RNF139: variants seen among roughly 807,000 people sequenced by gnomAD.
RNF139 encodes ring finger protein 139.
Under a neutral mutation model 49.5 loss-of-function variants are expected in RNF139, and 15 were observed. That is an observed-to-expected ratio of 0.30 (90% CI 0.20 to 0.47). The LOEUF is 0.47. RNF139 is among the 20% of genes least tolerant of loss of function. The probability of loss-of-function intolerance (pLI) is 1.00; values close to 1 mark genes in which losing one functional copy is unlikely to be tolerated. For synonymous variants in RNF139, 325 were observed against 300.9 expected (o/e 1.08, Z -0.83); for missense variants, 619 against 806.3 (o/e 0.77, Z 2.81).
At position 124,487,120 on chromosome 8, in the gene RNF139, T is replaced by G. The variant is rs1816549438; in HGVS notation, c.1471T>G (p.Ser491Ala). 1 of 1,613,914 alleles carries G rather than the reference T, an allele frequency of 6.2e-7. No homozygotes were observed. The highest frequency in any genetic ancestry group is 8.5e-7 in the Non-Finnish European group (1 of 1,180,000). ...GNGAYTMMFESGSKIRAFMMC... is the reference protein window; with the variant it reads ...GNGAYTMMFEAGSKIRAFMMC... ...TGGGGCTTACACTATGATGTTTGAG[T>G]CGGGAAGTAAAATTCGGGCTTTTAT... Residue 491 changes from serine (S) to alanine (A), a missense_variant, in exon 2 of 2, where the codon TCG becomes GCG. By Grantham distance (99) the Ser-to-Ala change is moderately conservative. Around this residue, in one of 2 missense-constraint regions of RNF139, gnomAD observed 530 missense variants for 728.9 expected, o/e 0.73. Coordinates refer to ENST00000303545, the MANE Select transcript of RNF139 (RefSeq NM_007218.4).
Position 124,486,443 on chromosome 8 carries a change from CCTT to C in RNF139, c.798_800del (p.Phe267del), listed in dbSNP as rs537918246. ...TTAAGGATGGCAAATGAAACTGATT[CCTT>C]CTTTATTTCTTGGGATGATTTTTGG... On this transcript the variant is annotated inframe_deletion, in exon 2 of 2. Coordinates refer to ENST00000303545, the MANE Select transcript of RNF139 (RefSeq NM_007218.4). 1.1e-4 allele frequency: 174 copies of C among 1,614,104 alleles called. 2 individuals carry two copies. The South Asian group carries it at 1.7e-3, about 16-fold the overall frequency.
intron 1 of RNF139, among the ~76,000 whole-genome samples, chr8:124,477,698 C>T (rs1392361746): frequency 6.6e-6 from 1 of 152,116 alleles, no homozygotes; most frequent in Non-Finnish European, 1.5e-5. Context: ...TATTGAAGAA[C>T]ATAAAGCTGT....
intron 1 of RNF139, among the ~76,000 whole-genome samples, chr8:124,481,177 T>A (rs1816401756): frequency 6.6e-6 from 1 of 152,214 alleles, no homozygotes; most frequent in Non-Finnish European, 1.5e-5. Context: ...ACCAACAGAT[T>A]AACAACATTT....
rs1563632869 is a variant in RNF139 at position 124,487,053 on chromosome 8, C to A, written c.1404C>A (p.Gly468=). 1.9e-6 allele frequency: 3 copies of A among 1,613,798 alleles called. No individual in the cohort carries two copies. Among genetic ancestry groups the A allele is most frequent in the Admixed American group, 3.3e-5 (2 of 59,976 alleles). ...DDYVYYVRST[G]SIIEFIFGVV... ...ATGTCTACTACGTTCGTTCAACAGG[C>A]AGTATTATTGAATTTATATTTGGAG... Residue 468 remains glycine (G), a synonymous_variant, in exon 2 of 2, where the codon GGC becomes GGA. Coordinates refer to ENST00000303545, the MANE Select transcript of RNF139 (RefSeq NM_007218.4).
chr8:124,477,631 G>C (rs1816335225), intron 1 of RNF139, among the ~76,000 whole-genome samples: 1 of 152,178 alleles, frequency 6.6e-6, no homozygotes, highest in Admixed American at 6.5e-5. Flanking sequence ...CAACCGGTTA[G>C]AAAATAAAGC....
chr8:124,480,218 T>C (rs1418115920), intron 1 of RNF139, among the ~76,000 whole-genome samples: 1 of 151,732 alleles, frequency 6.6e-6, no homozygotes, highest in Non-Finnish European at 1.5e-5. Context: ...CTTTAAATTT[T>C]TAGAAAAAAA....
rs1816535827 is a variant in RNF139, at chr8:124,486,609, C to T, written c.960C>T (p.Asp320=). The change falls in exon 2 of 2, where the codon GAC becomes GAT. Residue 320 remains aspartate, a synonymous_variant. Coordinates refer to ENST00000303545, the MANE Select transcript of RNF139 (RefSeq NM_007218.4). ...LAFIGSTEED[D]RRLGFVAPVL... is the part of the protein sequence containing the mutation. Reference sequence around the variant, plus strand: ...TTATTGGATCAACTGAGGAAGATGACAGGCGTCTTGGCTTTGTTGCACCTG... The same window carrying T: ...TTATTGGATCAACTGAGGAAGATGATAGGCGTCTTGGCTTTGTTGCACCTG... 6.2e-7 allele frequency: 1 copy of T among 1,614,136 alleles called. No individual in the cohort carries two copies. The highest frequency in any genetic ancestry group is 8.5e-7 in the Non-Finnish European group (1 of 1,180,012).
Position 124,475,065 on chromosome 8 carries a change from G to T in RNF139, c.-45G>T. The T allele has an allele frequency of 7.4e-7, 1 of 1,359,554 alleles. No individual in the cohort carries two copies. The highest frequency in any genetic ancestry group is 1.5e-5 in the African/African-American group (1 of 65,032). The allele number at this position is 1,359,554 out of a possible 1,614,324, so 84.2% of individuals were successfully genotyped here. ...CGGCCGCGGCCCCGGGCCCTGCCCC[G>T]CGCGGCCCTGCCCGGCCCACCGAGC... On this transcript the variant is annotated 5_prime_UTR_variant, in exon 1 of 2. Transcript: ENST00000303545.
In RNF139 at chr8:124,486,714, CAT is replaced by C. The variant is rs1563632664; in HGVS notation, c.1066_1067del (p.Met356ValfsTer32). ...AGAGACTTATTCGCTTAAGTAGAAA[CAT>C]GTGCCTTTTATTAACTGCAGTCCTG... ...EERLIRLSRN[M>X]CLLLTAVLHF... On this transcript the variant is annotated frameshift_variant, in exon 2 of 2. Coordinates refer to ENST00000303545, the MANE Select transcript of RNF139 (RefSeq NM_007218.4). LOFTEE classifies it high-confidence loss of function. 6.2e-7 allele frequency: 1 copy of C among 1,614,108 alleles called. No homozygotes were observed. The highest frequency in any genetic ancestry group is 8.5e-7 in the Non-Finnish European group (1 of 1,180,002).
Position 124,485,892 on chromosome 8 carries a change from G to C in RNF139, c.243G>C (p.Thr81=), listed in dbSNP as rs146417826. The C allele has an allele frequency of 5.8e-5, 94 of 1,613,604 alleles. No individual in the cohort carries two copies. In the African/African-American group the frequency reaches 1.1e-3, roughly 20 times the overall value. Residue 81 remains threonine (T), a synonymous_variant, in exon 2 of 2, where the codon ACG becomes ACC. Transcript: ENST00000303545. The part of the protein sequence containing the change: ...LSQRSLFKFY[T]YSSAFLLAAT... Reference sequence around the variant, plus strand: ...AACGATCACTTTTCAAGTTTTACACGTACAGCTCAGCCTTTCTGTTAGCTG... The same window carrying C: ...AACGATCACTTTTCAAGTTTTACACCTACAGCTCAGCCTTTCTGTTAGCTG...
chr8:124,483,964 T>C (rs1298105256), intron 1 of RNF139, among the ~76,000 whole-genome samples: 1 of 152,170 alleles, frequency 6.6e-6, no homozygotes, highest in East Asian at 1.9e-4. Flanking sequence ...TATAGATACA[T>C]GTGTAATAGG....
intron 1 of RNF139, 96 bp from the exon 2 acceptor site, chr8:124,485,735 C>T: frequency 9.5e-7 from 1 of 1,054,606 alleles, no homozygotes; most frequent in South Asian, 1.7e-5. Context: ...TGAAAATATT[C>T]ATATTTCCTA....
Position 124,485,942 on chromosome 8 carries a change from A to G in RNF139, c.293A>G (p.Tyr98Cys). The change falls in exon 2 of 2, where the codon TAT becomes TGT. Residue 98 changes from tyrosine (Y) to cysteine (C), a missense_variant. Coordinates refer to ENST00000303545, the MANE Select transcript of RNF139 (RefSeq NM_007218.4). ...GCAACTTCAGTGTTGGTGAATTATTATGCTTCTTTGCACATTGACTTCTAT... is the reference window on the plus strand; with the variant it reads ...GCAACTTCAGTGTTGGTGAATTATTGTGCTTCTTTGCACATTGACTTCTAT... ...LAATSVLVNY[Y>C]ASLHIDFYGA... 6.2e-7 allele frequency: 1 copy of G among 1,614,172 alleles called. No homozygotes were observed. The highest frequency in any genetic ancestry group is 1.1e-5 in the South Asian group (1 of 91,088).
chr8:124,475,140 G>A lies in RNF139; in HGVS notation c.31G>A (p.Val11Met), dbSNP rs766303977. The stretch of plus-strand genomic sequence containing the variant: ...GGCCGTGGGGCCCCCGCAGCAGCAG[G>A]TGCGGATGGCCCATCAGCAGGTCTG... MAAVGPPQQQ[V>M]RMAHQQVWAA... is the part of the protein sequence containing the mutation. Residue 11 changes from valine to methionine, a missense_variant, in exon 1 of 2, where the codon GTG (valine) becomes ATG (methionine). Physicochemically the swap from Val to Met is conservative, Grantham distance 21. Coordinates refer to ENST00000303545, the MANE Select transcript of RNF139 (RefSeq NM_007218.4). 44 of 1,606,178 alleles carry A rather than the reference G, an allele frequency of 2.7e-5. No individual in the cohort carries two copies. Among genetic ancestry groups the A allele is most frequent in the Non-Finnish European group, 3.7e-5 (43 of 1,178,058 alleles).
At position 124,475,086 on chromosome 8, in the gene RNF139, C is replaced by T. The variant is rs754855799; in HGVS notation, c.-24C>T. 1.3e-6 allele frequency: 2 copies of T among 1,509,368 alleles called. No homozygotes were observed. The highest frequency in any genetic ancestry group is 8.8e-7 in the Non-Finnish European group (1 of 1,132,718). The allele number at this position is 1,509,368 out of a possible 1,614,324, so 93.5% of individuals were successfully genotyped here. A position where few individuals can be genotyped will look rare whatever the true frequency, so the allele number is the denominator to read the frequency against. On this transcript the variant is annotated 5_prime_UTR_variant, in exon 1 of 2. Coordinates refer to ENST00000303545, the MANE Select transcript of RNF139 (RefSeq NM_007218.4). Reference sequence around the variant, plus strand: ...CCCCGCGCGGCCCTGCCCGGCCCACCGAGCCCTGGTGTGGCAGCGGCTCAT... The same window carrying T: ...CCCCGCGCGGCCCTGCCCGGCCCACTGAGCCCTGGTGTGGCAGCGGCTCAT...
Position 124,474,962 on chromosome 8 carries a change from G to A in RNF139, c.-148G>A, listed in dbSNP as rs1816281829. 4.6e-6 allele frequency: 2 copies of A among 435,232 alleles called. No homozygotes were observed. The highest frequency in any genetic ancestry group is 7.3e-6 in the Non-Finnish European group (2 of 275,566). The allele number at this position is 435,232 out of a possible 1,614,324, so 27.0% of individuals were successfully genotyped here. On this transcript the variant is annotated 5_prime_UTR_variant, in exon 1 of 2. Transcript: ENST00000303545. The surrounding 1 kb of genome is among the most constrained non-coding windows in gnomAD (Gnocchi z 4.6). Reference sequence around the variant, plus strand: ...CTGCTCCACCTCGAGGGACGCGAGCGGGCGGCGGGGCTGGCCGTGAGAGAG... The same window carrying A: ...CTGCTCCACCTCGAGGGACGCGAGCAGGCGGCGGGGCTGGCCGTGAGAGAG...
Position 124,487,663 on chromosome 8 carries a change from A to C in RNF139, c.*19A>C. 6.4e-7 allele frequency: 1 copy of C among 1,570,544 alleles called. No individual in the cohort carries two copies. The highest frequency in any genetic ancestry group is 8.6e-7 in the Non-Finnish European group (1 of 1,159,502). On this transcript the variant is annotated 3_prime_UTR_variant, in exon 2 of 2. Coordinates refer to ENST00000303545, the MANE Select transcript of RNF139 (RefSeq NM_007218.4). ...TGACTGATGAAAATAGCATTTATTA[A>C]TGATTGAGGTATTTGTTTAAAATTC... is the stretch of plus-strand genomic sequence containing the variant.
At chr8:124,483,061 A>AAT (rs1348372640) in intron 1 of RNF139, among the ~76,000 whole-genome samples, 1 of 7,900 alleles carries the variant, frequency 1.3e-4, no homozygotes, top group East Asian at 3.3e-3. Flanking sequence ...ATCTATTAAA[A>AAT]ATATATATAT....
chr8:124,481,466 AGTTTTTATTTTTTCTTTT>A (rs1816407779), intron 1 of RNF139, among the ~76,000 whole-genome samples: 1 of 151,802 alleles, frequency 6.6e-6, no homozygotes, highest in African/African-American at 2.4e-5. Flanking sequence ...ATGTATAGTA[AGTTTTTATTTTTTCTTTT>A]GTTTTTATTT....
Sources: gnomAD v4.1 joint callset for allele counts (sites outside exome capture counted in the v4.1 genomes callset) on GRCh38, gnomAD v4.1.1 for gene constraint, gnomAD v4.1.1 regional missense constraint, Gnocchi (gnomAD v3.1) non-coding constraint, MANE v1.5 for transcripts, NCBI Gene and HGNC (gene_info 2026-07-23, HGNC 2026-07-21) for gene names.